SMYD2: variants seen among roughly 807,000 people sequenced by gnomAD.
SMYD2 encodes the protein N-lysine methyltransferase SMYD2.
A neutral mutation model predicts 59.1 loss-of-function variants in SMYD2; 53 were observed. The observed-to-expected ratio is 0.90, with a 90% CI of 0.72 to 1.13. The LOEUF (loss-of-function observed/expected upper bound fraction) is 1.13. Ranked by LOEUF, SMYD2 falls within the 50% of genes most tolerant of loss-of-function variation. The pLI is 0.00. For missense variants in SMYD2, 494 were observed against 544.7 expected, an observed-to-expected ratio of 0.91 and a Z score of 0.93; for synonymous variants, 208 against 198.8, an observed-to-expected ratio of 1.05 and a Z score of -0.39.
intron 1 of SMYD2, among the ~76,000 whole-genome samples, chr1:214,284,086 C>T (rs1009728775): frequency 1.3e-5 from 2 of 152,006 alleles, no homozygotes; most frequent in African/African-American, 4.8e-5. Context: ...CATTGGAGAA[C>T]ATGCGTATCT....
rs555438482 is a variant in SMYD2 at position 214,310,221 on chromosome 1, T to C, written c.238-4541T>C. On this transcript the variant is annotated intron_variant, in intron 2 of 11. Coordinates refer to ENST00000366957, the MANE Select transcript of SMYD2 (RefSeq NM_020197.3). ...AGACAATTTCGCAACTCTTTATGCA[T>C]CTTTAAGCATTTTTGACTGTGCACG... Among the ~76,000 whole-genome samples, 3 of 152,362 alleles carry C rather than the reference T, an allele frequency of 2.0e-5. No individual in the cohort carries two copies. In the South Asian group the frequency reaches 6.2e-4, roughly 32 times the overall value.
chr1:214,336,968 C>T lies in SMYD2; in HGVS notation c.*184C>T, dbSNP rs1325883805. The T allele has an allele frequency of 2.6e-5, 13 of 508,692 alleles. No individual in the cohort carries two copies. In the East Asian group the frequency reaches 3.9e-4, roughly 15 times the overall value. 31.5% of individuals were successfully genotyped at this position (508,692 alleles called of 1,614,324 possible). ...TAGTCTGAATCTTGAACTTTAATACCAAATTAATTTTGAATGCTTTTGTTT... is the reference window on the plus strand; with the variant it reads ...TAGTCTGAATCTTGAACTTTAATACTAAATTAATTTTGAATGCTTTTGTTT... On this transcript the variant is annotated 3_prime_UTR_variant, in exon 12 of 12. Coordinates refer to ENST00000366957, the MANE Select transcript of SMYD2 (RefSeq NM_020197.3).
chr1:214,296,186 C>A (rs919593922), intron 1 of SMYD2, among the ~76,000 whole-genome samples: 2 of 152,204 alleles, frequency 1.3e-5, no homozygotes, highest in Admixed American at 1.3e-4. Context: ...ACAGCACCTG[C>A]GGCAACGCAT....
chr1:214,334,209 T>TAGGGAG lies in SMYD2; in HGVS notation c.1122_1123insAGGGAG (p.Tyr374_Pro375insArgGlu). ...TCTTCTCTTGTTCTAGTAAGCACTA[T>TAGGGAG]CCTTTGTACTCCCTCAACGTGGCCT... On this transcript the variant is annotated inframe_insertion, in exon 11 of 12. Transcript: ENST00000366957. 1 of 1,613,810 alleles carries TAGGGAG rather than the reference T, an allele frequency of 6.2e-7. No individual in the cohort carries two copies. The highest frequency in any genetic ancestry group is 8.5e-7 in the Non-Finnish European group (1 of 1,179,892).
At chr1:214,300,956 A>C (rs114256260) in intron 1 of SMYD2, among the ~76,000 whole-genome samples, 2,424 of 152,360 alleles carry the variant, frequency 0.016, 35 homozygotes, top group Middle Eastern at 0.088. Context: ...GAGTTATAGC[A>C]ATCATTATGT....
intron 2 of SMYD2, among the ~76,000 whole-genome samples, chr1:214,314,239 C>G (rs1442686709): frequency 6.6e-6 from 1 of 152,160 alleles, no homozygotes; most frequent in South Asian, 2.1e-4. Context: ...GAAGTCCTAA[C>G]TATTCCTAAA....
Position 214,281,392 on chromosome 1 carries a change from C to T in SMYD2, c.138C>T (p.Asn46=). The change falls in exon 1 of 12, where the codon AAC becomes AAT. Residue 46 remains asparagine (N), a synonymous_variant. Coordinates refer to ENST00000366957, the MANE Select transcript of SMYD2 (RefSeq NM_020197.3). ...CPAYAYVLTV[N]ERGNHCEYCF... ...CCTATGCCTACGTGCTCACGGTCAA[C>T]GAGCGGGGCAACCACTGCGAGTACT... 6.8e-7 allele frequency: 1 copy of T among 1,464,422 alleles called. No homozygotes were observed. The highest frequency in any genetic ancestry group is 9.1e-7 in the Non-Finnish European group (1 of 1,102,960). The allele number at this position is 1,464,422 out of a possible 1,614,324, so 90.7% of individuals were successfully genotyped here. A position where few individuals can be genotyped will look rare whatever the true frequency, so the allele number is the denominator to read the frequency against.
intron 1 of SMYD2, among the ~76,000 whole-genome samples, chr1:214,294,344 T>G (rs963039047): frequency 1.3e-5 from 2 of 152,340 alleles, no homozygotes; most frequent in East Asian, 3.9e-4. Context: ...ATCTCAACTC[T>G]TAAAATTCTT....
At position 214,312,251 on chromosome 1, in the gene SMYD2, T is replaced by A. The variant is rs562364450; in HGVS notation, c.238-2511T>A. Among the ~76,000 whole-genome samples, 73 of 152,214 alleles carry A rather than the reference T, an allele frequency of 4.8e-4. 2 individuals are homozygous for A. The highest frequency in any genetic ancestry group is 1.2e-4 in the Non-Finnish European group (8 of 68,036). On this transcript the variant is annotated intron_variant, in intron 2 of 11. Coordinates refer to ENST00000366957, the MANE Select transcript of SMYD2 (RefSeq NM_020197.3). The surrounding 1 kb of genome is among the most constrained non-coding windows in gnomAD (Gnocchi z 4.1). ...TGCATTAAATCATTAAGTGACATTATGTGCTTCCTTCTTGGGGGATCAGTG... is the reference window on the plus strand; with the variant it reads ...TGCATTAAATCATTAAGTGACATTAAGTGCTTCCTTCTTGGGGGATCAGTG...
At chr1:214,281,543 GC>G (rs1350551132) in intron 1 of SMYD2, 116 bp downstream of exon 1, 34 of 493,982 alleles carry the variant, frequency 6.9e-5, no homozygotes, top group Admixed American at 3.5e-4. Flanking sequence ...GGCCCTTGGG[GC>G]GGGGTGGGGG....
At chr1:214,299,231 G>T (rs1656781286) in intron 1 of SMYD2, among the ~76,000 whole-genome samples, 1 of 152,158 alleles carries the variant, frequency 6.6e-6, no homozygotes, top group South Asian at 2.1e-4. Flanking sequence ...CTGTTGGTGG[G>T]AATATAAATT....
At chr1:214,326,832 A>ATGAGCCCCAGT (rs1657271817) in intron 6 of SMYD2, among the ~76,000 whole-genome samples, 1 of 152,204 alleles carries the variant, frequency 6.6e-6, no homozygotes, top group South Asian at 2.1e-4. Context: ...CCGTAGGAGC[A>ATGAGCCCCAGT]TGAGCCCCAG....
intron 5 of SMYD2, among the ~76,000 whole-genome samples, chr1:214,320,285 G>A (rs1299711532): frequency 6.6e-6 from 1 of 152,114 alleles, no homozygotes; most frequent in African/African-American, 2.4e-5. Context: ...GGTATAATAC[G>A]AAAACACACA....
At chr1:214,332,293 G>C (rs556092152) in intron 10 of SMYD2, 101 bp downstream of exon 10, 40 of 1,395,130 alleles carry the variant, frequency 2.9e-5, no homozygotes, top group Middle Eastern at 4.2e-4. Flanking sequence ...GACTTGCCTA[G>C]CGCAGCTGCC....
At chr1:214,319,400 TAGG>T (rs1469102986) in intron 5 of SMYD2, among the ~76,000 whole-genome samples, 3 of 152,156 alleles carry the variant, frequency 2.0e-5, no homozygotes, top group Non-Finnish European at 4.4e-5. Context: ...GCTGCACTGA[TAGG>T]AGGGCCCTTT....
chr1:214,329,064 T>C (rs984591627), intron 7 of SMYD2, among the ~76,000 whole-genome samples: 1 of 152,202 alleles, frequency 6.6e-6, no homozygotes, highest in Non-Finnish European at 1.5e-5. Context: ...ACAGAGATTG[T>C]TGGCAGGCTC....
In SMYD2 at chr1:214,312,310, C is replaced by T. The variant is rs1051840885; in HGVS notation, c.238-2452C>T. 6.6e-6 allele frequency among the ~76,000 whole-genome samples: 1 copy of T among 152,112 alleles called. No homozygotes were observed. The highest frequency in any genetic ancestry group is 1.5e-5 in the Non-Finnish European group (1 of 68,018). On this transcript the variant is annotated intron_variant, in intron 2 of 11. Coordinates refer to ENST00000366957, the MANE Select transcript of SMYD2 (RefSeq NM_020197.3). This position sits in a 1 kb window ranked among gnomAD's most constrained non-coding sequence, Gnocchi z 4.1. ...AGCGGGTAGGGAGATATCTTCATTC[C>T]TTCAACAACTATATTGAGTGCCTAC...
At chr1:214,294,704 A>G (rs531960152) in intron 1 of SMYD2, among the ~76,000 whole-genome samples, 1 of 152,190 alleles carries the variant, frequency 6.6e-6, no homozygotes, top group Non-Finnish European at 1.5e-5. Flanking sequence ...ATTTTCCTGT[A>G]AGTAAGATTC....
intron 2 of SMYD2, among the ~76,000 whole-genome samples, chr1:214,309,348 C>CA (rs144209799): frequency 0.068 from 10,348 of 152,206 alleles, 500 homozygotes; most frequent in Non-Finnish European, 0.1. Context: ...GCCTGGGAAG[C>CA]AAAGTATATT....
Sources: allele counts gnomAD v4.1 joint callset (sites outside exome capture counted in the v4.1 genomes callset), GRCh38; gene constraint gnomAD v4.1.1; non-coding constraint Gnocchi (gnomAD v3.1); transcripts MANE v1.5; gene names NCBI Gene and HGNC (gene_info 2026-07-23, HGNC 2026-07-21).